The following PRKG1 variants were observed in gnomAD, a reference collection of about 807,000 sequenced individuals.
PRKG1 encodes the protein cGMP-dependent protein kinase 1.
Under a neutral mutation model 88.1 loss-of-function variants are expected in PRKG1, and 35 were observed. The ratio of observed to expected loss-of-function variants is 0.40; its 90% CI spans 0.30 to 0.53. The LOEUF (loss-of-function observed/expected upper bound fraction) is 0.53. Among genes scored for constraint, PRKG1 ranks in the 20% least tolerant of loss-of-function variants. PRKG1 has a pLI of 0.59. For synonymous variants in PRKG1, 303 were observed against 292.5 expected (o/e 1.04, Z -0.37); for missense variants, 540 against 839.8 (o/e 0.64, Z 4.41).
At position 51,506,009 on chromosome 10, in the gene PRKG1, G is replaced by C. The variant is rs531680518; in HGVS notation, c.592+38173G>C. 3.3e-5 allele frequency among the ~76,000 whole-genome samples: 5 copies of C among 152,136 alleles called. No individual in the cohort carries two copies. In the South Asian group the frequency reaches 1.0e-3, roughly 32 times the overall value. On this transcript the variant is annotated intron_variant, in intron 3 of 17. Coordinates refer to ENST00000373980, the MANE Select transcript of PRKG1 (RefSeq NM_006258.4). ...TGATCTTGGTTATTTCTTGCCTTCTGCTAGCTTTTGAATGTGACAAACCTG... is the reference window on the plus strand; with the variant it reads ...TGATCTTGGTTATTTCTTGCCTTCTCCTAGCTTTTGAATGTGACAAACCTG...
chr10:52,244,361 A>G (rs11001339), intron 9 of PRKG1, among the ~76,000 whole-genome samples: 78,814 of 151,806 alleles, frequency 0.52, 22,213 homozygotes, highest in East Asian at 0.79. Context: ...AAGCTTAGTT[A>G]TCAATAAGAC....
intron 1 of PRKG1, among the ~76,000 whole-genome samples, chr10:51,103,489 G>A (rs1365391846): frequency 6.6e-6 from 1 of 152,130 alleles, no homozygotes; most frequent in African/African-American, 2.4e-5. Context: ...AGAATTCCGA[G>A]CCCAATAAAA....
At chr10:51,132,272 A>G (rs948973070) in intron 1 of PRKG1, among the ~76,000 whole-genome samples, 2 of 152,184 alleles carry the variant, frequency 1.3e-5, no homozygotes, top group African/African-American at 4.8e-5. Flanking sequence ...TGCCTGCCTG[A>G]GGCTACTTGC....
At chr10:50,993,151 G>A (rs1352922496) in intron 1 of PRKG1, among the ~76,000 whole-genome samples, 5 of 152,200 alleles carry the variant, frequency 3.3e-5, no homozygotes, top group Admixed American at 3.3e-4. Flanking sequence ...TGGGGAGCCA[G>A]GGAGGCTGAG....
intron 2 of PRKG1, among the ~76,000 whole-genome samples, chr10:51,348,881 T>A (rs1195766984): frequency 6.6e-6 from 1 of 152,052 alleles, no homozygotes; most frequent in Non-Finnish European, 1.5e-5. Flanking sequence ...TTCTTTTTCA[T>A]TTTTTTTCCC....
intron 3 of PRKG1, among the ~76,000 whole-genome samples, chr10:51,488,657 A>G (rs772793974): frequency 1.3e-5 from 2 of 152,144 alleles, no homozygotes; most frequent in Non-Finnish European, 2.9e-5. Context: ...ACTATCCAAT[A>G]CTAAGTAGAA....
intron 3 of PRKG1, among the ~76,000 whole-genome samples, chr10:51,632,795 C>T (rs1839560366): frequency 6.6e-6 from 1 of 152,148 alleles, no homozygotes; most frequent in Non-Finnish European, 1.5e-5. Context: ...CTTACTGACG[C>T]ATGCCTCTCC....
At chr10:51,298,472 T>C (rs1043111907) in intron 2 of PRKG1, among the ~76,000 whole-genome samples, 9 of 152,208 alleles carry the variant, frequency 5.9e-5, no homozygotes, top group Non-Finnish European at 1.0e-4. Flanking sequence ...ACAGTGTTGC[T>C]GAGCCATTAA....
At chr10:51,793,320 AT>A (rs1418502021) in intron 3 of PRKG1, among the ~76,000 whole-genome samples, 1 of 152,054 alleles carries the variant, frequency 6.6e-6, no homozygotes, top group African/African-American at 2.4e-5. Context: ...AAGAATCTGT[AT>A]GCTCAGACAG....
chr10:52,119,909 C>A (rs1012132160), intron 7 of PRKG1, among the ~76,000 whole-genome samples: 2 of 151,348 alleles, frequency 1.3e-5, no homozygotes, highest in Non-Finnish European at 2.9e-5. Flanking sequence ...GAGAGAGAGA[C>A]AGAGAAAGAG....
intron 3 of PRKG1, among the ~76,000 whole-genome samples, chr10:51,468,112 A>G (rs1400589238): frequency 6.6e-6 from 1 of 151,924 alleles, no homozygotes; most frequent in Non-Finnish European, 1.5e-5. Flanking sequence ...AATTTTATAC[A>G]TTTGAATCAA....
At chr10:52,033,496 A>G (rs1458385203) in intron 5 of PRKG1, among the ~76,000 whole-genome samples, 5 of 152,050 alleles carry the variant, frequency 3.3e-5, no homozygotes, top group Non-Finnish European at 7.4e-5. Context: ...TTTTTTATGG[A>G]CTATGTTTAT....
intron 3 of PRKG1, among the ~76,000 whole-genome samples, chr10:51,762,624 T>C (rs1016792010): frequency 6.6e-6 from 1 of 152,082 alleles, no homozygotes; most frequent in Non-Finnish European, 1.5e-5. Flanking sequence ...TACCTAGGAG[T>C]GTTTAAAAAC....
In PRKG1 at chr10:51,405,112, G is replaced by T. The variant is rs535217251; in HGVS notation, c.479-62611G>T. 3.5e-3 allele frequency among the ~76,000 whole-genome samples: 531 copies of T among 152,286 alleles called. 1 individual carries two copies. The highest frequency in any genetic ancestry group is 0.012 in the African/African-American group (509 of 41,558). On this transcript the variant is annotated intron_variant, in intron 2 of 17. Coordinates refer to ENST00000373980, the MANE Select transcript of PRKG1 (RefSeq NM_006258.4). ...TATTCTATAAATTTGCCTTCATTAA[G>T]TGGAGGGCAGTTGGATAATGTTTAT...
At chr10:51,188,387 T>C (rs1221404988) in intron 2 of PRKG1, among the ~76,000 whole-genome samples, 1 of 152,006 alleles carries the variant, frequency 6.6e-6, no homozygotes, top group African/African-American at 2.4e-5. Context: ...GAGTCTCTTT[T>C]ACATTAATAA....
At position 51,686,210 on chromosome 10, in the gene PRKG1, G is replaced by A. The variant is rs113785640; in HGVS notation, c.593-118375G>A. On this transcript the variant is annotated intron_variant, in intron 3 of 17. Transcript: ENST00000373980. The stretch of plus-strand genomic sequence containing the variant: ...TAGGTTTGTTATACAGGTAAACTGC[G>A]TGTCGCGGGGCTTTGGTGTACAATT... Among the ~76,000 whole-genome samples, 416 of 152,194 alleles carry A rather than the reference G, an allele frequency of 2.7e-3. 4 individuals carry two copies. Among genetic ancestry groups the A allele is most frequent in the African/African-American group, 9.3e-3 (386 of 41,504 alleles).
At chr10:51,999,952 G>A (rs573526483) in intron 5 of PRKG1, among the ~76,000 whole-genome samples, 292 of 152,100 alleles carry the variant, frequency 1.9e-3, no homozygotes, top group South Asian at 2.5e-3. Context: ...AAAAATTTTC[G>A]AATTTATATT....
At chr10:51,058,211 A>C (rs191641098) in intron 1 of PRKG1, among the ~76,000 whole-genome samples, 215 of 152,182 alleles carry the variant, frequency 1.4e-3, no homozygotes, top group African/African-American at 5.0e-3. Flanking sequence ...TTGACTTATG[A>C]GTTTTAGGAA....
At chr10:52,167,254 C>T (rs947542268) in intron 9 of PRKG1, among the ~76,000 whole-genome samples, 1 of 151,968 alleles carries the variant, frequency 6.6e-6, no homozygotes, top group Admixed American at 6.6e-5. Context: ...AAGGGAGATG[C>T]CAGGCTTTCT....
Sources: allele counts gnomAD v4.1 joint callset (sites outside exome capture counted in the v4.1 genomes callset), GRCh38; gene constraint gnomAD v4.1.1; transcripts MANE v1.5; gene names NCBI Gene and HGNC (gene_info 2026-07-23, HGNC 2026-07-21).